The following STYX variants were observed in gnomAD, a reference collection of about 807,000 sequenced individuals.
The protein encoded by STYX is serine/threonine/tyrosine interacting protein.
Under a neutral mutation model 42.7 loss-of-function variants are expected in STYX, and 20 were observed. The ratio of observed to expected loss-of-function variants is 0.47; its 90% CI spans 0.33 to 0.68. The LOEUF is 0.68. Ranked by LOEUF, STYX falls within the 30% of genes least tolerant of loss-of-function variation. The probability of loss-of-function intolerance (pLI) is 0.02; values close to 1 mark genes in which losing one functional copy is unlikely to be tolerated. For missense variants in STYX, 226 were observed against 268.5 expected, an observed-to-expected ratio of 0.84 and a Z score of 1.11; for synonymous variants, 78 against 81.9, an observed-to-expected ratio of 0.95 and a Z score of 0.26.
At chr14:52,757,974 G>A (rs1364761916) in intron 8 of STYX, 50 bp downstream of exon 8, 2 of 1,573,228 alleles carry the variant, frequency 1.3e-6, no homozygotes, top group Admixed American at 3.5e-5. Flanking sequence ...TCATTAAAAT[G>A]AAACTTAATG....
chr14:52,738,995 G>A (rs901808201), intron 1 of STYX, among the ~76,000 whole-genome samples: 7 of 147,550 alleles, frequency 4.7e-5, no homozygotes, highest in South Asian at 2.1e-4. Flanking sequence ...TTGTATACAC[G>A]TTTCTTTCCT....
chr14:52,753,742 T>G (rs963853668), intron 4 of STYX, among the ~76,000 whole-genome samples: 3 of 152,032 alleles, frequency 2.0e-5, no homozygotes, highest in Non-Finnish European at 4.4e-5. Context: ...CCTTATTTTT[T>G]GTTAATGTTT....
Position 52,774,648 on chromosome 14 carries a change from A to G in STYX, c.*3542A>G, listed in dbSNP as rs1882649477. The G allele has an allele frequency of 6.6e-6, 1 of 151,664 alleles. No homozygotes were observed. The highest frequency in any genetic ancestry group is 6.6e-5 in the Admixed American group (1 of 15,226). The allele number at this position is 151,664 out of a possible 1,614,324, so 9.4% of individuals were successfully genotyped here. On this transcript the variant is annotated 3_prime_UTR_variant, in exon 11 of 11. Coordinates refer to ENST00000354586, the MANE Select transcript of STYX (RefSeq NM_145251.4). ...TGGCAGCTAAAACAAAAATCACTCA[A>G]AATATTCAGGTTTACATGTTAGCTC...
At chr14:52,761,570 T>G (rs945966933) in intron 9 of STYX, among the ~76,000 whole-genome samples, 4 of 144,160 alleles carry the variant, frequency 2.8e-5, no homozygotes, top group Non-Finnish European at 6.1e-5. Context: ...CCAAAAGTTT[T>G]TTTTTTTTTT....
At chr14:52,731,268 A>G (rs1880688960) in intron 1 of STYX, among the ~76,000 whole-genome samples, 2 of 152,178 alleles carry the variant, frequency 1.3e-5, no homozygotes, top group Admixed American at 6.5e-5. Context: ...TAAATTAACA[A>G]GACGAAGATA....
At chr14:52,740,752 G>A (rs1881155450) in intron 1 of STYX, among the ~76,000 whole-genome samples, 1 of 152,136 alleles carries the variant, frequency 6.6e-6, no homozygotes. Flanking sequence ...CTTTTGTCTA[G>A]TTGATCTTTT....
At chr14:52,770,986 A>G in intron 10 of STYX, 47 bp from the exon 11 acceptor site, 3 of 1,581,588 alleles carry the variant, frequency 1.9e-6, no homozygotes, top group South Asian at 1.1e-5. Context: ...ACCTTTTAAC[A>G]TGAATTTATT....
At chr14:52,754,333 C>T (rs1447114182) in intron 4 of STYX, among the ~76,000 whole-genome samples, 2 of 151,944 alleles carry the variant, frequency 1.3e-5, no homozygotes, top group Non-Finnish European at 2.9e-5. Context: ...CTGCCTCAGC[C>T]TTCCAAGTAG....
rs552572967 is a variant in STYX at position 52,774,318 on chromosome 14, T to C, written c.*3212T>C. 6.6e-6 allele frequency: 1 copy of C among 152,236 alleles called. No individual in the cohort carries two copies. The highest frequency in any genetic ancestry group is 1.9e-4 in the East Asian group (1 of 5,188). The allele number at this position is 152,236 out of a possible 1,614,324, so 9.4% of individuals were successfully genotyped here. A position where few individuals can be genotyped will look rare whatever the true frequency, so the allele number is the denominator to read the frequency against. On this transcript the variant is annotated 3_prime_UTR_variant, in exon 11 of 11. Coordinates refer to ENST00000354586, the MANE Select transcript of STYX (RefSeq NM_145251.4). ...GAATTAGAAATATTTAACTGCAATC[T>C]TGAATTATAAAGTTGAGATATATAT... is the stretch of plus-strand genomic sequence containing the variant.
chr14:52,746,156 C>T (rs559578350), intron 2 of STYX, among the ~76,000 whole-genome samples: 1 of 152,036 alleles, frequency 6.6e-6, no homozygotes, highest in African/African-American at 2.4e-5. Context: ...AGGTCAGGCA[C>T]AGGAGTTCAT....
intron 3 of STYX, among the ~76,000 whole-genome samples, chr14:52,749,719 T>C (rs1881535472): frequency 6.6e-6 from 1 of 152,250 alleles, no homozygotes; most frequent in African/African-American, 2.4e-5. Context: ...TATTATCTGG[T>C]AATTTCTAGA....
intron 2 of STYX, 150 bp from the exon 3 acceptor site, chr14:52,746,276 A>G: frequency 1.8e-6 from 1 of 546,860 alleles, no homozygotes; most frequent in Non-Finnish European, 3.0e-6. Context: ...TTTTTAAAGA[A>G]AAAAAAAAAG....
chr14:52,772,857 G>C lies in STYX; in HGVS notation c.*1751G>C, dbSNP rs531875579. On this transcript the variant is annotated 3_prime_UTR_variant, in exon 11 of 11. Transcript: ENST00000354586. ...GTGAAAACAGCATATTGTTAATCTC[G>C]TTGTCGTCCAGTATTCTGCTTTGTG... The C allele has an allele frequency of 6.6e-6, 1 of 151,602 alleles. No individual in the cohort carries two copies. The highest frequency in any genetic ancestry group is 1.5e-5 in the Non-Finnish European group (1 of 67,924). The allele number at this position is 151,602 out of a possible 1,614,324, so 9.4% of individuals were successfully genotyped here.
At chr14:52,764,903 A>G (rs1882240957) in intron 9 of STYX, among the ~76,000 whole-genome samples, 1 of 152,028 alleles carries the variant, frequency 6.6e-6, no homozygotes, top group Admixed American at 6.5e-5. Context: ...TCCTGAGATC[A>G]TGTGATCCAC....
chr14:52,756,440 A>C, intron 4 of STYX, 111 bp from the exon 5 acceptor site: 1 of 650,780 alleles, frequency 1.5e-6, no homozygotes, highest in Admixed American at 3.1e-5. Flanking sequence ...TGATACTTTG[A>C]AAGTTGTTTT....
At position 52,774,033 on chromosome 14, in the gene STYX, A is replaced by G. The variant is rs1164066576; in HGVS notation, c.*2927A>G. The G allele has an allele frequency of 1.3e-5, 2 of 152,188 alleles. No individual in the cohort carries two copies. The highest frequency in any genetic ancestry group is 2.9e-5 in the Non-Finnish European group (2 of 68,036). The allele number at this position is 152,188 out of a possible 1,614,324, so 9.4% of individuals were successfully genotyped here. Reference sequence around the variant, plus strand: ...TTCAAACATGGAATGGCAGTATTCTAATTTCAGTTAGTTGGTTCATGTTAA... The same window carrying G: ...TTCAAACATGGAATGGCAGTATTCTGATTTCAGTTAGTTGGTTCATGTTAA... On this transcript the variant is annotated 3_prime_UTR_variant, in exon 11 of 11. Coordinates refer to ENST00000354586, the MANE Select transcript of STYX (RefSeq NM_145251.4).
intron 3 of STYX, among the ~76,000 whole-genome samples, chr14:52,746,878 T>A (rs2139897311): frequency 6.6e-6 from 1 of 152,296 alleles, no homozygotes; most frequent in East Asian, 1.9e-4. Flanking sequence ...TAAGACTGTG[T>A]GTGTTAATTG....
intron 1 of STYX, among the ~76,000 whole-genome samples, chr14:52,738,071 C>T (rs1186443635): frequency 1.3e-5 from 2 of 152,150 alleles, no homozygotes; most frequent in Admixed American, 6.5e-5. Flanking sequence ...CCACTGTGCC[C>T]GGCCAACAGG....
chr14:52,747,140 G>A (rs1052515137), intron 3 of STYX, among the ~76,000 whole-genome samples: 2 of 152,158 alleles, frequency 1.3e-5, no homozygotes, highest in South Asian at 2.1e-4. Flanking sequence ...TATTCAATCC[G>A]TATAGATATT....
Sources: gnomAD v4.1 joint callset for allele counts (sites outside exome capture counted in the v4.1 genomes callset) on GRCh38, gnomAD v4.1.1 for gene constraint, MANE v1.5 for transcripts, NCBI Gene and HGNC (gene_info 2026-07-23, HGNC 2026-07-21) for gene names.